The following PACS2 variants were observed in gnomAD, a reference collection of about 807,000 sequenced individuals.
The protein encoded by PACS2 is phosphofurin acidic cluster sorting protein 2, also known as PACS1-like protein.
A neutral mutation model predicts 113.0 loss-of-function variants in PACS2; 36 were observed. The ratio of observed to expected loss-of-function variants is 0.32; its 90% CI spans 0.24 to 0.42. The LOEUF (loss-of-function observed/expected upper bound fraction) is 0.42. PACS2 is among the 10% of genes least tolerant of loss of function. PACS2 has a pLI of 1.00. For synonymous variants in PACS2, 589 were observed against 536.1 expected, an observed-to-expected ratio of 1.10 and a Z score of -1.36; for missense variants, 1,015 against 1,239.5, an observed-to-expected ratio of 0.82 and a Z score of 2.72.
intron 1 of PACS2, among the ~76,000 whole-genome samples, chr14:105,306,820 C>T (rs1595518728): frequency 2.0e-5 from 3 of 151,930 alleles, no homozygotes; most frequent in South Asian, 4.2e-4. Context: ...TGGCCAGGCT[C>T]GTCTTGAATT....
At chr14:105,377,925 A>G (rs2080843340) in intron 9 of PACS2, among the ~76,000 whole-genome samples, 2 of 152,180 alleles carry the variant, frequency 1.3e-5, no homozygotes, top group Non-Finnish European at 2.9e-5. Context: ...GTGCAGGCCC[A>G]GCGTGGTGGT....
At chr14:105,375,393 G>A (rs1487342307) in intron 8 of PACS2, among the ~76,000 whole-genome samples, 1 of 151,224 alleles carries the variant, frequency 6.6e-6, no homozygotes, top group Admixed American at 6.6e-5. Flanking sequence ...CCGGAGAATG[G>A]CGTGAACCCG....
At chr14:105,367,564 G>A (rs2060982917) in intron 5 of PACS2, among the ~76,000 whole-genome samples, 189 bp downstream of exon 5, 2 of 152,274 alleles carry the variant, frequency 1.3e-5, no homozygotes, top group Admixed American at 6.5e-5. Context: ...GGCTGCCACA[G>A]GTCCCTGTTC....
chr14:105,371,533 A>C (rs2061153231), intron 8 of PACS2: 1 of 152,232 alleles, frequency 6.6e-6, no homozygotes, highest in Non-Finnish European at 1.5e-5. Context: ...AGGTCAACAC[A>C]GTACTTTAAT....
chr14:105,360,069 TGAA>T (rs2060620004), intron 4 of PACS2, among the ~76,000 whole-genome samples: 1 of 152,198 alleles, frequency 6.6e-6, no homozygotes. Flanking sequence ...AGGCTGACCT[TGAA>T]GATATTGTGT....
At chr14:105,345,643 G>A (rs1034082703) in intron 1 of PACS2, among the ~76,000 whole-genome samples, 7 of 152,080 alleles carry the variant, frequency 4.6e-5, no homozygotes, top group African/African-American at 9.7e-5. Context: ...GGATTTCCCC[G>A]CCATCTTTCT....
rs895395104 is a variant in PACS2 at position 105,317,248 on chromosome 14, C to T, written c.119+2211C>T. On this transcript the variant is annotated intron_variant, in intron 1 of 24. Coordinates refer to ENST00000447393, the MANE Select transcript of PACS2 (RefSeq NM_001100913.3). This position sits in a 1 kb window ranked among gnomAD's most constrained non-coding sequence, Gnocchi z 4.2. ...CTGTCAAGGGACCTTGGCTTGTTTC[C>T]AGTTTTTTGGTTAATTACAAGCCCC... 6.6e-6 allele frequency among the ~76,000 whole-genome samples: 1 copy of T among 152,134 alleles called. No homozygotes were observed. The highest frequency in any genetic ancestry group is 2.4e-5 in the African/African-American group (1 of 41,410).
At chr14:105,310,390 C>T (rs1225344610), upstream of PACS2, among the ~76,000 whole-genome samples, 3 of 151,722 alleles carry the variant, frequency 2.0e-5, no homozygotes, top group Non-Finnish European at 2.9e-5. Context: ...ATTAGCCAGG[C>T]GTGGTGGCAG....
At chr14:105,328,272 G>A (rs587678981) in intron 1 of PACS2, among the ~76,000 whole-genome samples, 2 of 152,332 alleles carry the variant, frequency 1.3e-5, no homozygotes, top group East Asian at 3.9e-4. Context: ...CTGGGGAGGA[G>A]GCAGCTGTCC....
chr14:105,383,603 TGTGTGGCGTGGCGTGGCGCG>T (rs2081069623), intron 16 of PACS2, 90 bp downstream of exon 16: 2 of 1,315,088 alleles, frequency 1.5e-6, no homozygotes. Flanking sequence ...CGTGGCGTGT[TGTGTGGCGTGGCGTGGCGCG>T]GTGTGTCGTG....
intron 1 of PACS2, among the ~76,000 whole-genome samples, chr14:105,322,336 C>G (rs2058926989): frequency 6.6e-6 from 1 of 152,078 alleles, no homozygotes; most frequent in African/African-American, 2.4e-5. Context: ...GCAATCTTGG[C>G]TCACTGCAAC....
chr14:105,384,926 G>A lies in PACS2; in HGVS notation c.1939G>A (p.Gly647Arg), dbSNP rs1291794705. 1.9e-6 allele frequency: 3 copies of A among 1,602,392 alleles called. No homozygotes were observed. The highest frequency in any genetic ancestry group is 1.7e-4 in the Middle Eastern group (1 of 6,006). ...GTCACGCATCACGCAGTACATCGCA[G>A]GGGCCAACTGTGCCCACCAGCTCCC... ...IVSRITQYIAGANCAHQLPIA... is the reference protein window; with the variant it reads ...IVSRITQYIARANCAHQLPIA... Residue 647 changes from glycine (G) to arginine (R), a missense_variant, in exon 18 of 25, where the codon GGG (glycine) becomes AGG (arginine). Physicochemically the swap from Gly to Arg is moderately radical, Grantham distance 125. This residue lies in a region of PACS2 where 859 missense variants were observed against 1,056.8 expected (regional missense o/e 0.81). Transcript: ENST00000447393.
intron 4 of PACS2, among the ~76,000 whole-genome samples, chr14:105,362,847 A>G (rs2060783693): frequency 6.6e-6 from 1 of 152,156 alleles, no homozygotes; most frequent in Admixed American, 6.5e-5. Flanking sequence ...CGAAACTCCA[A>G]CTCAAATAAT....
At chr14:105,392,355 G>T in intron 22 of PACS2, 1 of 526,850 alleles carries the variant, frequency 1.9e-6, no homozygotes, top group Non-Finnish European at 3.4e-6. Flanking sequence ...ACGACTCCAA[G>T]GGGCAGCTTG....
At position 105,380,143 on chromosome 14, in the gene PACS2, A is replaced by G. The variant is rs782331454; in HGVS notation, c.1114A>G (p.Thr372Ala). ...GRQPSDSVSD[T>A]VALGVPGPRE... ...GCAGCCGAGCGACAGTGTCTCTGAC[A>G]CGGTGGCCCTCGTAAGCAGGCTTGG... The change falls in exon 11 of 25, where the codon ACG (threonine) becomes GCG (alanine). Residue 372 changes from threonine to alanine, a missense_variant. By Grantham distance (58) the Thr-to-Ala change is moderately conservative. Coordinates refer to ENST00000447393, the MANE Select transcript of PACS2 (RefSeq NM_001100913.3). 5.8e-6 allele frequency: 9 copies of G among 1,551,976 alleles called. No individual in the cohort carries two copies. The highest frequency in any genetic ancestry group is 7.8e-6 in the Non-Finnish European group (9 of 1,147,570).
intron 2 of PACS2, among the ~76,000 whole-genome samples, chr14:105,349,211 G>A (rs1555403339): frequency 6.6e-6 from 1 of 152,232 alleles, no homozygotes; most frequent in Admixed American, 6.5e-5. Flanking sequence ...CAACTGTCAG[G>A]GCCACCCCTG....
At chr14:105,325,322 A>G (rs920418739) in intron 1 of PACS2, among the ~76,000 whole-genome samples, 4 of 152,062 alleles carry the variant, frequency 2.6e-5, no homozygotes, top group African/African-American at 9.7e-5. Context: ...GTCCTGAGAC[A>G]AGGTGGGGTG....
At chr14:105,310,883 A>AAAAT (rs1383307782), upstream of PACS2, among the ~76,000 whole-genome samples, 2 of 152,244 alleles carry the variant, frequency 1.3e-5, no homozygotes. Context: ...TCTATACCTG[A>AAAAT]AAATAGGTGT....
rs962157696 is a variant in PACS2, at chr14:105,330,828, C to T, written c.119+15791C>T. ...CAAATCCTGCTTTTTGCCTTAAGTG[C>T]GTTCCCAATTCCATCTCTGTGCCAG... On this transcript the variant is annotated intron_variant, in intron 1 of 24. Coordinates refer to ENST00000447393, the MANE Select transcript of PACS2 (RefSeq NM_001100913.3). This position sits in a 1 kb window ranked among gnomAD's most constrained non-coding sequence, Gnocchi z 6.9. Among the ~76,000 whole-genome samples, 4 of 152,250 alleles carry T rather than the reference C, an allele frequency of 2.6e-5. No homozygotes were observed. Among genetic ancestry groups the T allele is most frequent in the Non-Finnish European group, 4.4e-5 (3 of 68,040 alleles).
Sources: allele counts gnomAD v4.1 joint callset (sites outside exome capture counted in the v4.1 genomes callset), GRCh38; gene constraint gnomAD v4.1.1; regional missense constraint gnomAD v4.1.1; non-coding constraint Gnocchi (gnomAD v3.1); transcripts MANE v1.5; gene names NCBI Gene and HGNC (gene_info 2026-07-23, HGNC 2026-07-21).